Variants in PPP2R1B observed in about 807,000 individuals in gnomAD.
PPP2R1B encodes the protein serine/threonine-protein phosphatase 2A 65 kDa regulatory subunit A beta isoform.
In PPP2R1B, 58 loss-of-function variants were observed where a neutral mutation model predicts 72.7. That is an observed-to-expected ratio of 0.80 (90% CI 0.65 to 0.99). The LOEUF (loss-of-function observed/expected upper bound fraction) is 0.99, where lower values mean the gene tolerates loss of function less well. Among genes scored for constraint, PPP2R1B ranks in the 50% least tolerant of loss-of-function variants. PPP2R1B has a pLI of 0.00. For missense variants in PPP2R1B, 695 were observed against 733.6 expected (o/e 0.95, Z 0.61); for synonymous variants, 256 against 264.6 (o/e 0.97, Z 0.32).
downstream of PPP2R1B, chr11:111,737,721 G>A (rs1565425743): frequency 7.0e-7 from 1 of 1,424,198 alleles, no homozygotes; most frequent in African/African-American, 1.4e-5. Context: ...ACTGGGCAGA[G>A]AAAGCTGGGG....
At chr11:111,723,947 T>C, downstream of PPP2R1B, 1 of 1,614,106 alleles carries the variant, frequency 6.2e-7, no homozygotes, top group Non-Finnish European at 8.5e-7. Context: ...TCCCTGTCAG[T>C]ATCCTGTGGA....
chr11:111,722,404 CT>C (rs2135976158), downstream of PPP2R1B, among the ~76,000 whole-genome samples: 1 of 152,330 alleles, frequency 6.6e-6, no homozygotes, highest in Admixed American at 6.5e-5. The surrounding 1 kb of genome is among the most constrained non-coding windows in gnomAD (Gnocchi z 4.4). Flanking sequence ...TTTCTCATTG[CT>C]TTTTAATGTC....
chr11:111,714,009 A>G, the PPP2R1B span, among the ~76,000 whole-genome samples: 1 of 152,216 alleles, frequency 6.6e-6, no homozygotes, highest in Non-Finnish European at 1.5e-5. Context: ...TTAAGGAAGT[A>G]TAAATCAGAA....
intron 7 of PPP2R1B, 26 bp from the exon 8 acceptor site, chr11:111,754,595 T>A: frequency 1.3e-6 from 2 of 1,589,450 alleles, no homozygotes; most frequent in East Asian, 4.5e-5. Flanking sequence ...AAAAAAAGAA[T>A]GCTTTCACAG....
the PPP2R1B span, among the ~76,000 whole-genome samples, chr11:111,711,397 A>G: frequency 1.3e-5 from 2 of 152,210 alleles, no homozygotes; most frequent in Non-Finnish European, 2.9e-5. Flanking sequence ...CTGGGATTAC[A>G]GGCATGAGCC....
chr11:111,706,476 T>G, the PPP2R1B span, among the ~76,000 whole-genome samples: 1 of 152,222 alleles, frequency 6.6e-6, no homozygotes, highest in Non-Finnish European at 1.5e-5. Context: ...CTTCTGTAAC[T>G]GACTTTGTTC....
the PPP2R1B span, chr11:111,721,166 C>CA: frequency 7.3e-7 from 1 of 1,360,590 alleles, no homozygotes; most frequent in Middle Eastern, 2.6e-4. Flanking sequence ...AGTCCTGGAG[C>CA]AAACAGGCTG....
chr11:111,751,571 C>T (rs1400878952), intron 10 of PPP2R1B, among the ~76,000 whole-genome samples: 1 of 152,314 alleles, frequency 6.6e-6, no homozygotes, highest in East Asian at 1.9e-4. Context: ...GGCTGCTCAA[C>T]CAGTAAATAT....
intron 10 of PPP2R1B, among the ~76,000 whole-genome samples, chr11:111,750,843 G>T (rs1015905054): frequency 2.1e-4 from 30 of 145,632 alleles, no homozygotes; most frequent in Middle Eastern, 3.5e-3. Context: ...TTTTTGTTTT[G>T]TTTTTTTTTT....
the PPP2R1B span, among the ~76,000 whole-genome samples, chr11:111,717,406 C>T: frequency 2.0e-5 from 3 of 149,182 alleles, no homozygotes; most frequent in Non-Finnish European, 4.5e-5. Flanking sequence ...CTATCTCATG[C>T]CAGTCAGAAT....
At chr11:111,723,627 C>T (rs148424859), downstream of PPP2R1B, 20 of 1,613,756 alleles carry the variant, frequency 1.2e-5, no homozygotes, top group Middle Eastern at 1.7e-4. Context: ...GAGACTCCAC[C>T]GCCTTCTCAG....
At chr11:111,697,680 AT>A in the PPP2R1B span, among the ~76,000 whole-genome samples, 3 of 152,080 alleles carry the variant, frequency 2.0e-5, no homozygotes, top group Admixed American at 2.0e-4. Context: ...TCCTTAACCC[AT>A]TCTTCAGATG....
chr11:111,763,839 G>GA (rs1247353961), intron 3 of PPP2R1B, among the ~76,000 whole-genome samples: 3 of 142,902 alleles, frequency 2.1e-5, no homozygotes, highest in Admixed American at 7.3e-5. Flanking sequence ...TACATAGACA[G>GA]AAAAAAAACT....
intron 11 of PPP2R1B, among the ~76,000 whole-genome samples, chr11:111,745,321 G>T (rs1203237043): frequency 6.6e-6 from 1 of 152,056 alleles, no homozygotes; most frequent in Non-Finnish European, 1.5e-5. Flanking sequence ...CAAAGTGCTG[G>T]GATTACAGGC....
downstream of PPP2R1B, chr11:111,726,881 A>C (rs1005725025): frequency 7.9e-7 from 1 of 1,258,886 alleles, no homozygotes; most frequent in Non-Finnish European, 1.1e-6. Context: ...TGGTGAGATG[A>C]ACGTGAGGTA....
the PPP2R1B span, among the ~76,000 whole-genome samples, chr11:111,695,018 C>T: frequency 4.6e-5 from 7 of 152,294 alleles, no homozygotes; most frequent in African/African-American, 9.6e-5. Flanking sequence ...CTGACCTTTT[C>T]GTGCTGGTGG....
downstream of PPP2R1B, chr11:111,723,706 A>G: frequency 6.2e-7 from 1 of 1,614,124 alleles, no homozygotes; most frequent in South Asian, 1.1e-5. Context: ...AGCAGATGCA[A>G]TACAGCCCTT....
In PPP2R1B at chr11:111,739,477, C is replaced by G; in HGVS notation, c.*2119G>C. 1.0e-6 allele frequency: 1 copy of G among 985,424 alleles called. No homozygotes were observed. Among genetic ancestry groups the G allele is most frequent in the Non-Finnish European group, 1.2e-6 (1 of 829,932 alleles). The allele number at this position is 985,424 out of a possible 1,614,324, so 61.0% of individuals were successfully genotyped here. ...AAGTCAGAAGGAAACAATGAAACCC[C>G]TGAGGGGTCACCACAAAAGACAGAG... is the stretch of plus-strand genomic sequence containing the variant. On this transcript the variant is annotated 3_prime_UTR_variant, in exon 15 of 15. Coordinates refer to ENST00000527614, the MANE Select transcript of PPP2R1B (RefSeq NM_002716.5).
the PPP2R1B span, among the ~76,000 whole-genome samples, chr11:111,694,123 A>G: frequency 6.6e-6 from 1 of 152,234 alleles, no homozygotes; most frequent in African/African-American, 2.4e-5. Flanking sequence ...TCCTGGCACC[A>G]TGTAAACACT....
Sources: allele counts gnomAD v4.1 joint callset (sites outside exome capture counted in the v4.1 genomes callset), GRCh38; gene constraint gnomAD v4.1.1; non-coding constraint Gnocchi (gnomAD v3.1); transcripts MANE v1.5; gene names NCBI Gene and HGNC (gene_info 2026-07-23, HGNC 2026-07-21).